TRIQK: variants seen among roughly 807,000 people sequenced by gnomAD.
TRIQK encodes triple QxxK/R motif-containing protein.
A neutral mutation model predicts 10.8 loss-of-function variants in TRIQK; 10 were observed. That is an observed-to-expected ratio of 0.92 (90% CI 0.57 to 1.57). The LOEUF (loss-of-function observed/expected upper bound fraction) is 1.57, where lower values mean the gene tolerates loss of function less well. Ranked by LOEUF, TRIQK falls within the 40% of genes most tolerant of loss-of-function variation. The probability of loss-of-function intolerance (pLI) is 0.00; values close to 1 mark genes in which losing one functional copy is unlikely to be tolerated. For synonymous variants in TRIQK, 33 were observed against 33.7 expected (o/e 0.98, Z 0.07); for missense variants, 107 against 97.7 (o/e 1.09, Z -0.40).
At chr8:92,921,887 T>C (rs564776658) in intron 2 of TRIQK, among the ~76,000 whole-genome samples, 10 of 151,958 alleles carry the variant, frequency 6.6e-5, no homozygotes, top group African/African-American at 2.4e-4. Flanking sequence ...TTTATCTATA[T>C]ATATTGTCAC....
At chr8:93,017,477 T>G (rs11992074) in intron 1 of TRIQK, 46 of 152,204 alleles carry the variant, frequency 3.0e-4, no homozygotes, top group African/African-American at 1.1e-3. Flanking sequence ...CCCACTCCTG[T>G]AGTGGCAGAG....
chr8:92,992,999 C>T (rs1438720329), intron 1 of TRIQK, among the ~76,000 whole-genome samples: 1 of 152,154 alleles, frequency 6.6e-6, no homozygotes, highest in African/African-American at 2.4e-5. Flanking sequence ...TTCTTTCATA[C>T]ACTCCAATCA....
At chr8:92,957,724 G>A (rs1563661130) in intron 1 of TRIQK, among the ~76,000 whole-genome samples, 1 of 151,870 alleles carries the variant, frequency 6.6e-6, no homozygotes, top group Non-Finnish European at 1.5e-5. Context: ...AAAGCAGTTA[G>A]TTCTATCTAC....
At chr8:92,951,948 A>G (rs1811933419) in intron 2 of TRIQK, among the ~76,000 whole-genome samples, 1 of 152,078 alleles carries the variant, frequency 6.6e-6, no homozygotes, top group African/African-American at 2.4e-5. Flanking sequence ...AGACCTAATA[A>G]TAGGACTACA....
chr8:92,894,786 T>C (rs1430144507), intron 3 of TRIQK, among the ~76,000 whole-genome samples: 1 of 152,098 alleles, frequency 6.6e-6, no homozygotes, highest in Non-Finnish European at 1.5e-5. Flanking sequence ...GCAAACTAGA[T>C]CGTCCCTGAG....
At chr8:92,949,671 G>GGAAA (rs375957646) in intron 2 of TRIQK, among the ~76,000 whole-genome samples, 811 of 62,616 alleles carry the variant, frequency 0.013, 42 homozygotes, top group Non-Finnish European at 0.017. Context: ...AGAAAGAGAA[G>GGAAA]GAAAGAAAGA....
intron 2 of TRIQK, among the ~76,000 whole-genome samples, chr8:92,940,354 C>T (rs927442745): frequency 6.7e-6 from 1 of 148,684 alleles, no homozygotes; most frequent in African/African-American, 2.5e-5. Context: ...AAAAAAAAGA[C>T]CCAACTGTAT....
rs1046366574 is a variant in TRIQK at position 92,885,781 on chromosome 8, A to T, written c.*841T>A. 2 of 151,772 alleles carry T rather than the reference A, an allele frequency of 1.3e-5. No individual in the cohort carries two copies. Among genetic ancestry groups the T allele is most frequent in the Non-Finnish European group, 2.9e-5 (2 of 67,816 alleles). The allele number at this position is 151,772 out of a possible 1,614,324, so 9.4% of individuals were successfully genotyped here. On this transcript the variant is annotated 3_prime_UTR_variant, in exon 5 of 5. Transcript: ENST00000521988. Reference sequence around the variant, plus strand: ...CCTAAGAAGATGATTCTGAGTAGGTAGGATTTTTGCTATTACTGTTATGTG... The same window carrying T: ...CCTAAGAAGATGATTCTGAGTAGGTTGGATTTTTGCTATTACTGTTATGTG...
chr8:92,919,020 A>T (rs1810026371), intron 2 of TRIQK, among the ~76,000 whole-genome samples: 1 of 151,852 alleles, frequency 6.6e-6, no homozygotes, highest in Admixed American at 6.6e-5. Context: ...TTTATAAAAA[A>T]TGAGTAGACT....
intron 1 of TRIQK, among the ~76,000 whole-genome samples, chr8:92,978,856 G>A (rs1812957511): frequency 1.3e-5 from 2 of 152,090 alleles, no homozygotes; most frequent in South Asian, 2.1e-4. Flanking sequence ...TGAAGGCTGC[G>A]AAAATCACTG....
intron 1 of TRIQK, among the ~76,000 whole-genome samples, chr8:92,986,283 T>C (rs1266324282): frequency 2.6e-5 from 4 of 152,162 alleles, no homozygotes; most frequent in African/African-American, 9.6e-5. Flanking sequence ...CAATGCAATA[T>C]TATCTTGTTT....
At chr8:93,017,130 AG>A (rs1813391941) in intron 1 of TRIQK, among the ~76,000 whole-genome samples, 1 of 76,214 alleles carries the variant, frequency 1.3e-5, no homozygotes, top group South Asian at 4.2e-4. Flanking sequence ...AGAGAGAGAG[AG>A]AGAGAGAGAG....
intron 1 of TRIQK, among the ~76,000 whole-genome samples, chr8:92,961,036 T>A (rs570164439): frequency 2.6e-5 from 4 of 152,344 alleles, no homozygotes; most frequent in African/African-American, 9.6e-5. Context: ...TATTCTTGAA[T>A]GTGTTGGACG....
At chr8:93,004,519 T>G (rs1813248476) in intron 1 of TRIQK, among the ~76,000 whole-genome samples, 1 of 152,252 alleles carries the variant, frequency 6.6e-6, no homozygotes, top group Non-Finnish European at 1.5e-5. Flanking sequence ...CTATTAACAT[T>G]GAGCTTATGA....
At chr8:92,943,693 A>C (rs1172571346) in intron 2 of TRIQK, among the ~76,000 whole-genome samples, 2 of 152,228 alleles carry the variant, frequency 1.3e-5, no homozygotes, top group African/African-American at 4.8e-5. Context: ...TAAAGGCTTA[A>C]ATATAAGACC....
At chr8:92,898,686 T>C (rs1438124774) in intron 3 of TRIQK, among the ~76,000 whole-genome samples, 2 of 151,710 alleles carry the variant, frequency 1.3e-5, no homozygotes. Flanking sequence ...TTTATAACCA[T>C]AAAATAGGAT....
intron 2 of TRIQK, chr8:92,922,290 A>G (rs578092075): frequency 6.6e-6 from 1 of 151,948 alleles, no homozygotes; most frequent in Non-Finnish European, 1.5e-5. Context: ...TTTGCATAGT[A>G]TTTTGCATTT....
At chr8:92,975,328 C>CT (rs1812920374) in intron 1 of TRIQK, among the ~76,000 whole-genome samples, 1 of 152,180 alleles carries the variant, frequency 6.6e-6, no homozygotes, top group Non-Finnish European at 1.5e-5. Context: ...AAAGCCTAGA[C>CT]TTTTTGTGGG....
At chr8:92,927,370 G>A (rs1183653141) in intron 2 of TRIQK, among the ~76,000 whole-genome samples, 1 of 151,956 alleles carries the variant, frequency 6.6e-6, no homozygotes, top group African/African-American at 2.4e-5. Flanking sequence ...TTAGAGTTAA[G>A]CAGAAAGTGG....
Sources: gnomAD v4.1 joint callset for allele counts (sites outside exome capture counted in the v4.1 genomes callset) on GRCh38, gnomAD v4.1.1 for gene constraint, MANE v1.5 for transcripts, NCBI Gene and HGNC (gene_info 2026-07-23, HGNC 2026-07-21) for gene names.